Variants in LAT2 observed in about 807,000 individuals in gnomAD.
LAT2 encodes linker for activation of T-cells family member 2.
A neutral mutation model predicts 43.4 loss-of-function variants in LAT2; 23 were observed. The observed-to-expected ratio is 0.53, with a 90% confidence interval of 0.38 to 0.75. The LOEUF (loss-of-function observed/expected upper bound fraction) is 0.75. Ranked by LOEUF, LAT2 falls within the 30% of genes least tolerant of loss-of-function variation. The pLI, the probability that LAT2 is intolerant of heterozygous loss-of-function variation, is 0.00. For missense variants in LAT2, 284 were observed against 310.2 expected (o/e 0.92, Z 0.64); for synonymous variants, 128 against 123.2 (o/e 1.04, Z -0.26).
rs949706311 is a variant in LAT2, at chr7:74,220,166, G to A, written c.228-51G>A. The A allele has an allele frequency of 1.3e-6, 2 of 1,572,362 alleles. No individual in the cohort carries two copies. The highest frequency in any genetic ancestry group is 1.8e-5 in the Admixed American group (1 of 56,742). On this transcript the variant is annotated intron_variant, in intron 6 of 13. Coordinates refer to ENST00000460943, the MANE Select transcript of LAT2 (RefSeq NM_032464.3). This position sits in a 1 kb window ranked among gnomAD's most constrained non-coding sequence, Gnocchi z 4.5. ...GGTATGGGGGGATGTGTCCTGGGGG[G>A]CCTCTCCCCTACAGCCCCTCCTTTA...
At chr7:74,221,587 C>T (rs375717585) in intron 9 of LAT2, 50 bp from the exon 10 acceptor site, 13 of 1,527,588 alleles carry the variant, frequency 8.5e-6, no homozygotes, top group African/African-American at 8.2e-5. Flanking sequence ...GCCCCCAACC[C>T]GATCTCCAGC....
intron 1 of LAT2, among the ~76,000 whole-genome samples, chr7:74,211,443 AATTTTTT>A (rs1288190992): frequency 1.3e-5 from 2 of 151,912 alleles, no homozygotes; most frequent in Admixed American, 1.3e-4. Flanking sequence ...ACACCTGGCT[AATTTTTT>A]ATTTTTTATT....
In LAT2 at chr7:74,214,459, A is replaced by C. The variant is rs374065249; in HGVS notation, c.-218-363A>C. Among the ~76,000 whole-genome samples, 73 of 49,640 alleles carry C rather than the reference A, an allele frequency of 1.5e-3. 1 individual carries two copies. The highest frequency in any genetic ancestry group is 1.9e-3 in the African/African-American group (20 of 10,650). 32.6% of individuals were successfully genotyped at this position (49,640 alleles called of 152,430 possible). On this transcript the variant is annotated intron_variant, in intron 1 of 13. Transcript: ENST00000460943. ...ATATATATATAAATATATATATGAA[A>C]ATATATATATAAATATATATATATG...
chr7:74,215,983 C>G lies in LAT2; in HGVS notation c.8C>G (p.Ser3Trp). Residue 3 changes from serine to tryptophan, a missense_variant, in exon 3 of 14, where the codon TCG becomes TGG. Physicochemically the swap from Ser to Trp is radical, Grantham distance 177 (BLOSUM62 -3). Coordinates refer to ENST00000460943, the MANE Select transcript of LAT2 (RefSeq NM_032464.3). MS[S>W]GTELLWPGAA... is the part of the protein sequence containing the mutation. ...GCAACACCAGGAGCCAACATGAGCT[C>G]GGGGACTGAACTGCTGTGGCCCGGA... The G allele has an allele frequency of 6.2e-7, 1 of 1,614,012 alleles. No individual in the cohort carries two copies. The highest frequency in any genetic ancestry group is 8.5e-7 in the Non-Finnish European group (1 of 1,179,990).
chr7:74,221,576 A>G, intron 9 of LAT2, 61 bp from the exon 10 acceptor site: 1 of 1,410,228 alleles, frequency 7.1e-7, no homozygotes, highest in East Asian at 2.3e-5. Context: ...CCCCTTATGG[A>G]GCCCCCAACC....
chr7:74,220,361 C>A lies in LAT2; in HGVS notation c.265+107C>A. 7.4e-7 allele frequency: 1 copy of A among 1,359,322 alleles called. No homozygotes were observed. The highest frequency in any genetic ancestry group is 1.0e-6 in the Non-Finnish European group (1 of 972,880). The allele number at this position is 1,359,322 out of a possible 1,614,324, so 84.2% of individuals were successfully genotyped here. A position where few individuals can be genotyped will look rare whatever the true frequency, so the allele number is the denominator to read the frequency against. On this transcript the variant is annotated intron_variant, in intron 7 of 13. Coordinates refer to ENST00000460943, the MANE Select transcript of LAT2 (RefSeq NM_032464.3). This position sits in a 1 kb window ranked among gnomAD's most constrained non-coding sequence, Gnocchi z 4.5. ...GTGCAGTGGGGGCTGCGGGGCCAGGCGAGGCCTCCCCAGGAGAGACACACA... is the reference window on the plus strand; with the variant it reads ...GTGCAGTGGGGGCTGCGGGGCCAGGAGAGGCCTCCCCAGGAGAGACACACA...
intron 4 of LAT2, 99 bp downstream of exon 4, chr7:74,216,963 C>A: frequency 9.8e-7 from 1 of 1,022,282 alleles, no homozygotes; most frequent in Non-Finnish European, 1.5e-6. Flanking sequence ...CCCCTTCACT[C>A]ACACCTCCTC....
intron 13 of LAT2, among the ~76,000 whole-genome samples, chr7:74,227,742 G>A (rs900907027): frequency 4.6e-5 from 7 of 152,096 alleles, no homozygotes; most frequent in Admixed American, 3.3e-4. Flanking sequence ...GTGTAGTGGC[G>A]CATACGTGTA....
chr7:74,219,664 G>GCCTGTCCCTCCCT lies in LAT2; in HGVS notation c.135-70_135-58dup, dbSNP rs1182990374. 14 of 1,554,236 alleles carry GCCTGTCCCTCCCT rather than the reference G, an allele frequency of 9.0e-6. No homozygotes were observed. The East Asian group carries it at 3.1e-4, about 35-fold the overall frequency. On this transcript the variant is annotated intron_variant, in intron 4 of 13. Transcript: ENST00000460943. The stretch of plus-strand genomic sequence containing the variant: ...CCCTCTGCTTTCCCTCCTCATCCCT[G>GCCTGTCCCTCCCT]CCTGTCCCTCCCTCCTGTCCCTGTG...
Position 74,229,699 on chromosome 7 carries a change from A to C in LAT2, c.*774A>C, listed in dbSNP as rs1802621345. 1 of 152,306 alleles carries C rather than the reference A, an allele frequency of 6.6e-6. No individual in the cohort carries two copies. Among genetic ancestry groups the C allele is most frequent in the South Asian group, 2.1e-4 (1 of 4,830 alleles). The allele number at this position is 152,306 out of a possible 1,614,324, so 9.4% of individuals were successfully genotyped here. On this transcript the variant is annotated 3_prime_UTR_variant, in exon 14 of 14. Coordinates refer to ENST00000460943, the MANE Select transcript of LAT2 (RefSeq NM_032464.3). ...CCTCTGCTCCAGGGCTGGCCTCTGC[A>C]GAGCTGATTAAACAGTGTTGTGACT...
chr7:74,213,179 C>T lies in LAT2; in HGVS notation c.-218-1643C>T, dbSNP rs917020310. ...GCCCAGGCTGGATGGAGTGCAGTGG[C>T]GTGATCTCAGCTCACTGCAACCTCC... On this transcript the variant is annotated intron_variant, in intron 1 of 13. Coordinates refer to ENST00000460943, the MANE Select transcript of LAT2 (RefSeq NM_032464.3). 5.9e-5 allele frequency among the ~76,000 whole-genome samples: 9 copies of T among 152,068 alleles called. No homozygotes were observed. The East Asian group carries it at 1.2e-3, about 20-fold the overall frequency.
chr7:74,222,172 G>A (rs1474552320), intron 10 of LAT2, among the ~76,000 whole-genome samples: 1 of 150,278 alleles, frequency 6.7e-6, no homozygotes, highest in African/African-American at 2.5e-5. Flanking sequence ...GATCACCTGA[G>A]GTCAGGAGTT....
chr7:74,228,044 C>T (rs1802553597), intron 13 of LAT2, among the ~76,000 whole-genome samples: 3 of 150,760 alleles, frequency 2.0e-5, no homozygotes, highest in South Asian at 4.2e-4. Context: ...GGTGTGGTGG[C>T]GTGTGCCTGT....
chr7:74,214,791 A>ATATAT (rs1278478546), intron 1 of LAT2, 31 bp from the exon 2 acceptor site: 26 of 79,344 alleles, frequency 3.3e-4, no homozygotes, highest in East Asian at 6.6e-4. Flanking sequence ...ATATATATAT[A>ATATAT]TTTTTTTTTT....
intron 4 of LAT2, 42 bp from the exon 5 acceptor site, chr7:74,219,702 G>C: frequency 3.1e-6 from 5 of 1,613,056 alleles, no homozygotes; most frequent in Non-Finnish European, 4.2e-6. Context: ...CTTGGGCTGT[G>C]GGAGTCCAGG....
intron 4 of LAT2, among the ~76,000 whole-genome samples, chr7:74,218,519 T>A (rs1802127914): frequency 6.6e-6 from 1 of 152,048 alleles, no homozygotes; most frequent in East Asian, 1.9e-4. Flanking sequence ...ATCTCTGCAT[T>A]CCCAGCAGCA....
intron 12 of LAT2, 85 bp downstream of exon 12, chr7:74,224,282 T>A (rs1259094096): frequency 4.2e-6 from 6 of 1,416,288 alleles, no homozygotes; most frequent in Non-Finnish European, 5.9e-6. Flanking sequence ...AAAGTGGGCT[T>A]CCCTCCAGCC....
rs914248463 is a variant in LAT2 at position 74,220,922 on chromosome 7, A to G, written c.332+188A>G. On this transcript the variant is annotated intron_variant, in intron 9 of 13. Transcript: ENST00000460943. This position sits in a 1 kb window ranked among gnomAD's most constrained non-coding sequence, Gnocchi z 4.5. ...TCTCCTGGCAGGCAGGCATTGGGCG[A>G]CACTGTTGTCTCTTAGGTAACCCTG... Among the ~76,000 whole-genome samples the G allele has an allele frequency of 2.0e-5, 3 of 152,222 alleles. No individual in the cohort carries two copies. In the South Asian group the frequency reaches 6.2e-4, roughly 32 times the overall value.
intron 4 of LAT2, among the ~76,000 whole-genome samples, chr7:74,219,536 G>A (rs540654007): frequency 6.6e-6 from 1 of 152,368 alleles, no homozygotes; most frequent in Admixed American, 6.5e-5. Flanking sequence ...TGAGGGTTGG[G>A]CACCCAGTGC....
Sources: allele counts gnomAD v4.1 joint callset (sites outside exome capture counted in the v4.1 genomes callset), GRCh38; gene constraint gnomAD v4.1.1; non-coding constraint Gnocchi (gnomAD v3.1); transcripts MANE v1.5; gene names NCBI Gene and HGNC (gene_info 2026-07-23, HGNC 2026-07-21).